The following ARFGEF1 variants were observed in gnomAD, a reference collection of about 807,000 sequenced individuals.
The protein encoded by ARFGEF1 is ARF guanine nucleotide exchange factor 1.
ARFGEF1 carries 42 observed loss-of-function variants against 231.0 expected under a neutral mutation model. That is an observed-to-expected ratio of 0.18 (90% CI 0.14 to 0.24). The LOEUF (loss-of-function observed/expected upper bound fraction) is 0.24, where lower values mean the gene tolerates loss of function less well. Ranked by LOEUF, ARFGEF1 falls within the 10% of genes least tolerant of loss-of-function variation. ARFGEF1 has a pLI of 1.00. For missense variants in ARFGEF1, 1,345 were observed against 2,192.0 expected, an observed-to-expected ratio of 0.61 and a Z score of 7.72; for synonymous variants, 710 against 732.3, an observed-to-expected ratio of 0.97 and a Z score of 0.49.
chr8:67,213,913 T>C (rs956134675), intron 33 of ARFGEF1, among the ~76,000 whole-genome samples: 9 of 152,206 alleles, frequency 5.9e-5, no homozygotes, highest in Non-Finnish European at 1.3e-4. Context: ...AAATCTCTCC[T>C]GCTGGTTTTG....
rs576376357 is a variant in ARFGEF1, at chr8:67,216,470, C to G, written c.4686+120G>C. On this transcript the variant is annotated intron_variant, in intron 33 of 38. Transcript: ENST00000262215. ...AATGTCTATTTATAAGTAATCCAGT[C>G]TCAGATATTTTTTTAATAGCAGGAA... 1.8e-4 allele frequency: 157 copies of G among 895,272 alleles called. 1 individual carries two copies. The East Asian group carries it at 4.8e-3, about 27-fold the overall frequency. 55.5% of individuals were successfully genotyped at this position (895,272 alleles called of 1,614,324 possible).
chr8:67,179,074 G>A (rs1832366966), intron 5 of ARFGEF1, among the ~76,000 whole-genome samples: 1 of 152,184 alleles, frequency 6.6e-6, no homozygotes, highest in South Asian at 2.1e-4. Context: ...GCTCTTTGCT[G>A]GAGTGTCCTA....
rs1234907628 is a variant in ARFGEF1 at position 67,201,418 on chromosome 8, G to A, written c.5267+49C>T. The A allele has an allele frequency of 3.2e-6, 5 of 1,568,876 alleles. No individual in the cohort carries two copies. In the African/African-American group the frequency reaches 4.1e-5, roughly 13 times the overall value. On this transcript the variant is annotated intron_variant, in intron 37 of 38. Coordinates refer to ENST00000262215, the MANE Select transcript of ARFGEF1 (RefSeq NM_006421.5). ...CCCGCCGGTGCCTCTTTCCTGCCCG[G>A]CACCACGTGGCTACCTGGTCAGAGA...
intron 1 of ARFGEF1, among the ~76,000 whole-genome samples, chr8:67,302,905 T>TAAAAAAAAAAAAAAAAAAAAAAAA (rs1563902346): frequency 2.0e-5 from 2 of 100,232 alleles, no homozygotes; most frequent in African/African-American, 7.7e-5. Flanking sequence ...ACCCCATCTC[T>TAAAAAAAAAAAAAAAAAAAAAAAA]TAAAAAAAAA....
chr8:67,278,133 G>A (rs1805387122), intron 7 of ARFGEF1, among the ~76,000 whole-genome samples: 1 of 152,046 alleles, frequency 6.6e-6, no homozygotes, highest in African/African-American at 2.4e-5. Context: ...ATAATACCAA[G>A]TTCCAGAACT....
chr8:67,322,515 A>G (rs1807643671), intron 1 of ARFGEF1, among the ~76,000 whole-genome samples: 1 of 152,108 alleles, frequency 6.6e-6, no homozygotes, highest in Non-Finnish European at 1.5e-5. Context: ...TGGGCAATAT[A>G]GAGAGACCCC....
Position 67,216,626 on chromosome 8 carries a change from G to A in ARFGEF1, c.4650C>T (p.Ala1550=). 1 of 1,607,198 alleles carries A rather than the reference G, an allele frequency of 6.2e-7. No homozygotes were observed. Among genetic ancestry groups the A allele is most frequent in the South Asian group, 1.1e-5 (1 of 89,942 alleles). The change falls in exon 33 of 39, where the codon GCC becomes GCT. Residue 1550 remains alanine, a synonymous_variant. Coordinates refer to ENST00000262215, the MANE Select transcript of ARFGEF1 (RefSeq NM_006421.5). ...CACTTACAGGAGATGGAGGTGGGGG[G>A]GCAGTTTCTCCAGAATTGGGTCGCC... ...LTWRPNSGET[A]PPPPSPVSEK...
intron 1 of ARFGEF1, among the ~76,000 whole-genome samples, chr8:67,321,233 T>G (rs995923211): frequency 6.6e-6 from 1 of 152,156 alleles, no homozygotes; most frequent in African/African-American, 2.4e-5. Flanking sequence ...AATCTTCATG[T>G]GTGTTAAAAT....
intron 1 of ARFGEF1, among the ~76,000 whole-genome samples, chr8:67,312,276 T>A (rs545329181): frequency 8.0e-5 from 11 of 138,230 alleles, no homozygotes; most frequent in African/African-American, 2.7e-4. Flanking sequence ...CACACCAGAA[T>A]CAAACCCCAG....
intron 1 of ARFGEF1, among the ~76,000 whole-genome samples, chr8:67,327,408 C>G (rs1807885670): frequency 6.6e-6 from 1 of 151,210 alleles, no homozygotes; most frequent in Non-Finnish European, 1.5e-5. Flanking sequence ...ACCTTCGCCT[C>G]CCAGGTTCAA....
intron 33 of ARFGEF1, among the ~76,000 whole-genome samples, chr8:67,216,327 G>T (rs1838931248): frequency 6.6e-6 from 1 of 152,070 alleles, no homozygotes; most frequent in Non-Finnish European, 1.5e-5. Flanking sequence ...GCCCCTTTCT[G>T]TCCCTCCTCC....
intron 10 of ARFGEF1, among the ~76,000 whole-genome samples, chr8:67,270,620 T>A (rs896786152): frequency 2.7e-5 from 4 of 149,754 alleles, no homozygotes; most frequent in African/African-American, 9.9e-5. Context: ...AAATAACAAA[T>A]TGAAAAAAGC....
rs746222432 is a variant in ARFGEF1, at chr8:67,339,795, CGGGGGG to C, written c.124+3363_124+3368del. On this transcript the variant is annotated intron_variant, in intron 1 of 38. Coordinates refer to ENST00000262215, the MANE Select transcript of ARFGEF1 (RefSeq NM_006421.5). ...GTTGTAACAGTGTAACAGTGTGGGG[CGGGGGG>C]GGGGATTCTTTCTTTTTTAACCATT... Among the ~76,000 whole-genome samples the C allele has an allele frequency of 8.9e-3, 127 of 14,274 alleles. 26 individuals are homozygous for C. The highest frequency in any genetic ancestry group is 0.035 in the Admixed American group (39 of 1,120). The allele number at this position is 14,274 out of a possible 152,430, so 9.4% of individuals were successfully genotyped here. A position where few individuals can be genotyped will look rare whatever the true frequency, so the allele number is the denominator to read the frequency against.
Position 67,301,229 on chromosome 8 carries a change from A to G in ARFGEF1, c.307T>C (p.Leu103=). 1 of 1,604,758 alleles carries G rather than the reference A, an allele frequency of 6.2e-7. No individual in the cohort carries two copies. The highest frequency in any genetic ancestry group is 8.5e-7 in the Non-Finnish European group (1 of 1,177,092). ...PRIVSTSLDC[L]QKLIAYGHLT... The stretch of plus-strand genomic sequence containing the variant: ...AAGTGCCATTTTAGACATACCTGTA[A>G]GCAATCTAGAGATGTACTAACTATG... Residue 103 remains leucine (L), a synonymous_variant, in exon 3 of 39, where the codon TTA becomes CTA. Coordinates refer to ENST00000262215, the MANE Select transcript of ARFGEF1 (RefSeq NM_006421.5).
intron 1 of ARFGEF1, among the ~76,000 whole-genome samples, chr8:67,341,431 A>C (rs1034177858): frequency 1.9e-4 from 29 of 149,906 alleles, no homozygotes; most frequent in Non-Finnish European, 3.9e-4. Flanking sequence ...CCACCAAAAA[A>C]AAAAAAAAAA....
intron 1 of ARFGEF1, among the ~76,000 whole-genome samples, chr8:67,336,974 CA>C (rs1257508250): frequency 6.6e-6 from 1 of 151,440 alleles, no homozygotes; most frequent in East Asian, 1.9e-4. Flanking sequence ...AATAAAAATA[CA>C]AAAAAAATCA....
At chr8:67,208,697 T>C (rs1215552642) in intron 34 of ARFGEF1, among the ~76,000 whole-genome samples, 2 of 149,346 alleles carry the variant, frequency 1.3e-5, no homozygotes, top group African/African-American at 5.0e-5. Flanking sequence ...GAAATGCTCA[T>C]GACCTTGGAT....
chr8:67,324,086 C>A (rs772697941), intron 1 of ARFGEF1, among the ~76,000 whole-genome samples: 1 of 152,218 alleles, frequency 6.6e-6, no homozygotes, highest in Non-Finnish European at 1.5e-5. Flanking sequence ...CAGGCGTGAG[C>A]CACCGCAGCC....
chr8:67,321,210 T>C (rs1360875335), intron 1 of ARFGEF1, among the ~76,000 whole-genome samples: 3 of 152,094 alleles, frequency 2.0e-5, no homozygotes, highest in Non-Finnish European at 4.4e-5. Context: ...CCAACTGTGA[T>C]AGAAGTTACA....
Sources: allele counts gnomAD v4.1 joint callset (sites outside exome capture counted in the v4.1 genomes callset), GRCh38; gene constraint gnomAD v4.1.1; transcripts MANE v1.5; gene names NCBI Gene and HGNC (gene_info 2026-07-23, HGNC 2026-07-21).